PCDHGA7: variants seen among roughly 807,000 people sequenced by gnomAD.
The protein encoded by PCDHGA7 is protocadherin gamma-A7.
In PCDHGA7, 44 loss-of-function variants were observed where a neutral mutation model predicts 58.3. The observed-to-expected ratio is 0.75, with a 90% CI of 0.59 to 0.97. PCDHGA7 has a LOEUF of 0.97. Among genes scored for constraint, PCDHGA7 ranks in the 50% least tolerant of loss-of-function variants. The probability of loss-of-function intolerance (pLI) is 0.00; values close to 1 mark genes in which losing one functional copy is unlikely to be tolerated. For synonymous variants in PCDHGA7, 516 were observed against 504.2 expected (o/e 1.02, Z -0.31); for missense variants, 1,266 against 1,188.7 (o/e 1.06, Z -0.96).
chr5:141,456,321 G>A (rs2098849819), intron 1 of PCDHGA7, among the ~76,000 whole-genome samples: 1 of 152,154 alleles, frequency 6.6e-6, no homozygotes, highest in African/African-American at 2.4e-5. Context: ...GGCTCCTCCT[G>A]GGGTTGATCT....
chr5:141,421,811 T>A, intron 1 of PCDHGA7: 1 of 1,613,766 alleles, frequency 6.2e-7, no homozygotes, highest in Non-Finnish European at 8.5e-7. Flanking sequence ...AATCCAGAGC[T>A]AGTACTGGAG....
chr5:141,420,494 C>A (rs978136090), intron 1 of PCDHGA7: 1 of 499,510 alleles, frequency 2.0e-6, no homozygotes, highest in Non-Finnish European at 3.1e-6. Context: ...GGGTAATCTC[C>A]GGTGACATTT....
At chr5:141,416,362 G>A (rs562901653) in intron 1 of PCDHGA7, 4 of 152,306 alleles carry the variant, frequency 2.6e-5, no homozygotes, top group African/African-American at 7.2e-5. Flanking sequence ...GGAGGCTATA[G>A]AGGGTGAAAT....
chr5:141,405,407 C>G, intron 1 of PCDHGA7: 2 of 1,582,052 alleles, frequency 1.3e-6, no homozygotes, highest in Non-Finnish European at 1.7e-6. Flanking sequence ...TCTTTCTTTT[C>G]TTTTTTTGTT....
chr5:141,395,041 T>C (rs2093154278), intron 1 of PCDHGA7: 1 of 1,613,994 alleles, frequency 6.2e-7, no homozygotes, highest in South Asian at 1.1e-5. Flanking sequence ...TTTGTGGGTG[T>C]TGAGGAGGTA....
intron 1 of PCDHGA7, chr5:141,421,632 G>A (rs2096589368): frequency 6.2e-7 from 1 of 1,613,846 alleles, no homozygotes; most frequent in South Asian, 1.1e-5. Context: ...CCAGCTTCCA[G>A]GAGGACGAAG....
rs769961814 is a variant in PCDHGA7, at chr5:141,384,370, T to G, written c.1471T>G (p.Leu491Val). ...SEDNAQITYS[L>V]AEDTIQGAPV... is the part of the protein sequence containing the mutation. Reference sequence around the variant, plus strand: ...GGATAATGCCCAGATCACTTATTCCTTGGCCGAAGACACCATCCAGGGGGC... The same window carrying G: ...GGATAATGCCCAGATCACTTATTCCGTGGCCGAAGACACCATCCAGGGGGC... Residue 491 changes from leucine (L) to valine (V), a missense_variant, in exon 1 of 4, where the codon TTG becomes GTG. Leu to Val is a conservative substitution (Grantham distance 32, BLOSUM62 1). Coordinates refer to ENST00000518325, the MANE Select transcript of PCDHGA7 (RefSeq NM_018920.4). 1 of 1,613,926 alleles carries G rather than the reference T, an allele frequency of 6.2e-7. No individual in the cohort carries two copies. Among genetic ancestry groups the G allele is most frequent in the South Asian group, 1.1e-5 (1 of 91,088 alleles).
At chr5:141,504,452 T>C (rs1208972630) in intron 2 of PCDHGA7, among the ~76,000 whole-genome samples, 1 of 152,060 alleles carries the variant, frequency 6.6e-6, no homozygotes, top group Non-Finnish European at 1.5e-5. Flanking sequence ...TAGTGCCATG[T>C]GGGGCAGCCG....
Position 141,384,918 on chromosome 5 carries a change from C to T in PCDHGA7, c.2019C>T (p.Ala673=). Residue 673 remains alanine, a synonymous_variant, in exon 1 of 4, where the codon GCC becomes GCT. Transcript: ENST00000518325. ...AVADSIPEVL[A]DLGSLEPSDG... ...CTGACAGCATCCCCGAAGTCTTGGC[C>T]GACCTGGGCAGCCTTGAGCCCTCCG... is the stretch of plus-strand genomic sequence containing the variant. 6.2e-7 allele frequency: 1 copy of T among 1,613,954 alleles called. No homozygotes were observed. Among genetic ancestry groups the T allele is most frequent in the South Asian group, 1.1e-5 (1 of 91,084 alleles).
intron 1 of PCDHGA7, among the ~76,000 whole-genome samples, chr5:141,425,819 A>C (rs1183860957): frequency 6.6e-6 from 1 of 152,246 alleles, no homozygotes; most frequent in Non-Finnish European, 1.5e-5. Flanking sequence ...TTAGAAAAAA[A>C]CAAACTTTTA....
intron 1 of PCDHGA7, chr5:141,408,082 G>C (rs890768118): frequency 2.1e-6 from 3 of 1,417,248 alleles, no homozygotes; most frequent in Non-Finnish European, 1.9e-6. Flanking sequence ...TCCCAGCACA[G>C]CGGATTGCCA....
chr5:141,427,467 T>TC, intron 1 of PCDHGA7: 1 of 508,052 alleles, frequency 2.0e-6, no homozygotes. Flanking sequence ...AATCGAATCT[T>TC]CCGCCAATAA....
chr5:141,409,875 A>G, intron 1 of PCDHGA7: 1 of 1,612,810 alleles, frequency 6.2e-7, no homozygotes, highest in Non-Finnish European at 8.5e-7. Flanking sequence ...CGCAATGACA[A>G]CGCACCGCGG....
intron 1 of PCDHGA7, among the ~76,000 whole-genome samples, chr5:141,445,007 G>T (rs771023003): frequency 1.3e-5 from 2 of 151,994 alleles, no homozygotes; most frequent in African/African-American, 4.8e-5. Flanking sequence ...ATTTAATTAG[G>T]TCTTTAATTT....
rs534845593 is a variant in PCDHGA7, at chr5:141,478,216, G to A, written c.2425-16591G>A. On this transcript the variant is annotated intron_variant, in intron 1 of 3. Coordinates refer to ENST00000518325, the MANE Select transcript of PCDHGA7 (RefSeq NM_018920.4). ...TTTATCTACTTCTTTCTCTAATCCTGGTTTCTGTGGGGTTTGTGGTCACAG... is the reference window on the plus strand; with the variant it reads ...TTTATCTACTTCTTTCTCTAATCCTAGTTTCTGTGGGGTTTGTGGTCACAG... 414 of 1,614,090 alleles carry A rather than the reference G, an allele frequency of 2.6e-4. 9 individuals carry two copies. In the South Asian group the frequency reaches 4.4e-3, roughly 17 times the overall value.
chr5:141,470,969 A>C (rs62379203), intron 1 of PCDHGA7, among the ~76,000 whole-genome samples: 16,337 of 151,332 alleles, frequency 0.11, 895 homozygotes, highest in South Asian at 0.15. Flanking sequence ...CTCCCACCTC[A>C]GCCTCCCAAA....
At chr5:141,462,896 A>G (rs1280422442) in intron 1 of PCDHGA7, among the ~76,000 whole-genome samples, 1 of 152,142 alleles carries the variant, frequency 6.6e-6, no homozygotes, top group African/African-American at 2.4e-5. Context: ...TTGTTTTGGA[A>G]GGCTATTATG....
At chr5:141,423,577 G>T (rs1348410879) in intron 1 of PCDHGA7, 1 of 1,613,478 alleles carries the variant, frequency 6.2e-7, no homozygotes, top group Admixed American at 1.7e-5. Flanking sequence ...CATCAGCCAG[G>T]AGAGCTGTGA....
At chr5:141,483,772 G>C (rs2099586910) in intron 1 of PCDHGA7, among the ~76,000 whole-genome samples, 1 of 152,140 alleles carries the variant, frequency 6.6e-6, no homozygotes, top group Non-Finnish European at 1.5e-5. Flanking sequence ...AAAAATATTG[G>C]GGAAGGATAA....
Sources: gnomAD v4.1 joint callset for allele counts (sites outside exome capture counted in the v4.1 genomes callset) on GRCh38, gnomAD v4.1.1 for gene constraint, MANE v1.5 for transcripts, NCBI Gene and HGNC (gene_info 2026-07-23, HGNC 2026-07-21) for gene names.